The following HOTAIR variants were observed in gnomAD, a reference collection of about 807,000 sequenced individuals.
HOTAIR encodes the protein HOX transcript antisense RNA, also known as HOX transcript antisense RNA (non-protein coding).
In HOTAIR at chr12:53,973,758, G is replaced by T. The variant is rs747007822; in HGVS notation, n.59+1140C>A. 1.2e-6 allele frequency: 2 copies of T among 1,612,332 alleles called. No individual in the cohort carries two copies. Among genetic ancestry groups the T allele is most frequent in the South Asian group, 2.2e-5 (2 of 91,014 alleles). On this transcript the variant is annotated intron_variant and non_coding_transcript_variant, in intron 1 of 6. Coordinates refer to ENST00000424518, the Ensembl canonical transcript of HOTAIR. This position sits in a 1 kb window ranked among gnomAD's most constrained non-coding sequence, Gnocchi z 4.3. The stretch of plus-strand genomic sequence containing the variant: ...CCCGCCCGCCGAGCCCCCCTGCTCC[G>T]GCAAGGGCGAGGCCAAGGGGGAGCC...
intron 5 of HOTAIR, among the ~76,000 whole-genome samples, chr12:53,965,085 G>A (rs947380195): frequency 3.3e-5 from 5 of 152,200 alleles, no homozygotes; most frequent in African/African-American, 7.2e-5. Flanking sequence ...AGGTGGAGAG[G>A]CCCTTATAGT....
chr12:53,973,847 G>A lies in HOTAIR; in HGVS notation n.59+1051C>T, dbSNP rs1939197465. 4 of 1,490,616 alleles carry A rather than the reference G, an allele frequency of 2.7e-6. No individual in the cohort carries two copies. Among genetic ancestry groups the A allele is most frequent in the Non-Finnish European group, 3.6e-6 (4 of 1,125,118 alleles). The allele number at this position is 1,490,616 out of a possible 1,614,324, so 92.3% of individuals were successfully genotyped here. ...AGGCGGGTGCCGAGGCGGAGGCTGA[G>A]GAGGAGAACACAAATCCCAGCTCGT... On this transcript the variant is annotated intron_variant and non_coding_transcript_variant, in intron 1 of 6. Transcript: ENST00000424518. The surrounding 1 kb of genome is among the most constrained non-coding windows in gnomAD (Gnocchi z 4.3).
chr12:53,964,813 A>G (rs2136370424), intron 5 of HOTAIR, among the ~76,000 whole-genome samples: 1 of 152,298 alleles, frequency 6.6e-6, no homozygotes, highest in South Asian at 2.1e-4. Context: ...GGCCCTAGGC[A>G]GGAGCTTATA....
At chr12:53,968,396 G>A (rs1939091789) in intron 2 of HOTAIR, 1 of 152,200 alleles carries the variant, frequency 6.6e-6, no homozygotes, top group Non-Finnish European at 1.5e-5. Context: ...GGAGATAAAA[G>A]TCTAGACAAT....
exon 7 of HOTAIR, chr12:53,962,693 C>T (rs1938973659): frequency 8.8e-6 from 1 of 113,054 alleles, no homozygotes; most frequent in South Asian, 3.0e-4. Flanking sequence ...ATGGTAATCT[C>T]CATCTGCTGA....
intron 2 of HOTAIR, among the ~76,000 whole-genome samples, chr12:53,967,684 C>T (rs938082987): frequency 2.0e-5 from 3 of 152,158 alleles, no homozygotes; most frequent in Admixed American, 2.0e-4. Context: ...GAGGCCCTTT[C>T]TTATGTCCCC....
At chr12:53,969,681 T>A (rs1024401703) in intron 1 of HOTAIR, among the ~76,000 whole-genome samples, 3 of 152,156 alleles carry the variant, frequency 2.0e-5, no homozygotes, top group Non-Finnish European at 4.4e-5. Flanking sequence ...TCTAATGAAG[T>A]CTCCTTGCTG....
intron 1 of HOTAIR, among the ~76,000 whole-genome samples, chr12:53,971,816 G>A (rs1489464732): frequency 6.6e-6 from 1 of 152,262 alleles, no homozygotes; most frequent in African/African-American, 2.4e-5. Flanking sequence ...GGTGCTCAGA[G>A]GGATGGAAGG....
intron 5 of HOTAIR, chr12:53,965,942 G>C (rs568287064): frequency 6.6e-6 from 1 of 152,342 alleles, no homozygotes; most frequent in African/African-American, 2.4e-5. Context: ...ATGACAAAGT[G>C]AAGGTCAAGT....
At position 53,971,691 on chromosome 12, in the gene HOTAIR, C is replaced by T. The variant is rs146335826; in HGVS notation, n.60-2935G>A. On this transcript the variant is annotated intron_variant and non_coding_transcript_variant, in intron 1 of 6. Coordinates refer to ENST00000424518, the Ensembl canonical transcript of HOTAIR. The stretch of plus-strand genomic sequence containing the variant: ...CCTTCCCAAACAAATTGTGCCCTGG[C>T]AGCTCCTCTTTGGATCCAAGGTTGC... 3.3e-3 allele frequency among the ~76,000 whole-genome samples: 505 copies of T among 152,376 alleles called. 3 individuals are homozygous for T. The highest frequency in any genetic ancestry group is 0.011 in the African/African-American group (477 of 41,590).
chr12:53,967,823 T>G (rs938834566), intron 2 of HOTAIR, among the ~76,000 whole-genome samples: 4 of 152,118 alleles, frequency 2.6e-5, no homozygotes, highest in Admixed American at 6.5e-5. Flanking sequence ...TGACATAAAA[T>G]TGGCAGGCAC....
chr12:53,972,496 C>A (rs928032563), intron 1 of HOTAIR, among the ~76,000 whole-genome samples: 11 of 152,218 alleles, frequency 7.2e-5, no homozygotes, highest in African/African-American at 2.7e-4. Context: ...GCAAGCCAGA[C>A]AAAGTTGGGA....
At chr12:53,967,091 C>A (rs534219884) in intron 3 of HOTAIR, among the ~76,000 whole-genome samples, 28 of 152,246 alleles carry the variant, frequency 1.8e-4, no homozygotes, top group African/African-American at 6.3e-4. Flanking sequence ...CATTTTAAGG[C>A]CTAATCATTG....
At chr12:53,966,446 ACG>A (rs1939056645) in intron 3 of HOTAIR, 1 of 152,488 alleles carries the variant, frequency 6.6e-6, no homozygotes, top group Admixed American at 6.5e-5. Flanking sequence ...TCTGAATGTT[ACG>A]GTTTCCTTCA....
At chr12:53,970,392 G>T (rs982915809) in intron 1 of HOTAIR, among the ~76,000 whole-genome samples, 4 of 152,192 alleles carry the variant, frequency 2.6e-5, no homozygotes, top group African/African-American at 9.6e-5. Context: ...CGTCCAGGTA[G>T]CCTGGACCCA....
chr12:53,963,674 C>T (rs1315411296), exon 7 of HOTAIR: 1 of 152,230 alleles, frequency 6.6e-6, no homozygotes, highest in Non-Finnish European at 1.5e-5. Context: ...TAACAAGCCT[C>T]ATCATAAAGA....
Position 53,973,407 on chromosome 12 carries a change from T to A in HOTAIR, n.59+1491A>T. The A allele has an allele frequency of 6.2e-7, 1 of 1,613,982 alleles. No homozygotes were observed. On this transcript the variant is annotated intron_variant and non_coding_transcript_variant, in intron 1 of 6. Transcript: ENST00000424518. The surrounding 1 kb of genome is among the most constrained non-coding windows in gnomAD (Gnocchi z 4.3). ...CTCCTCCTTCCTGCCCCAGGCCCCC[T>A]CTCGTCAGATCTCCTATCCCTACTC... is the stretch of plus-strand genomic sequence containing the variant.
At position 53,973,429 on chromosome 12, in the gene HOTAIR, A is replaced by T. The variant is rs1427829556; in HGVS notation, n.59+1469T>A. Reference sequence around the variant, plus strand: ...CCCTCTCGTCAGATCTCCTATCCCTACTCGGCCCAAGTGCCCCCGGTCCGG... The same window carrying T: ...CCCTCTCGTCAGATCTCCTATCCCTTCTCGGCCCAAGTGCCCCCGGTCCGG... On this transcript the variant is annotated intron_variant and non_coding_transcript_variant, in intron 1 of 6. Coordinates refer to ENST00000424518, the Ensembl canonical transcript of HOTAIR. The surrounding 1 kb of genome is among the most constrained non-coding windows in gnomAD (Gnocchi z 4.3). The T allele has an allele frequency of 1.2e-6, 2 of 1,613,054 alleles. No individual in the cohort carries two copies. Among genetic ancestry groups the T allele is most frequent in the African/African-American group, 1.3e-5 (1 of 74,640 alleles).
chr12:53,973,800 T>G lies in HOTAIR; in HGVS notation n.59+1098A>C. On this transcript the variant is annotated intron_variant and non_coding_transcript_variant, in intron 1 of 6. Coordinates refer to ENST00000424518, the Ensembl canonical transcript of HOTAIR. This position sits in a 1 kb window ranked among gnomAD's most constrained non-coding sequence, Gnocchi z 4.3. Reference sequence around the variant, plus strand: ...GGGGGAGCCCGAGGCACCCCCGGCCTCGGGACTGGCGTCCCGGGCTGAGGC... The same window carrying G: ...GGGGGAGCCCGAGGCACCCCCGGCCGCGGGACTGGCGTCCCGGGCTGAGGC... 1 of 1,586,394 alleles carries G rather than the reference T, an allele frequency of 6.3e-7. No homozygotes were observed. The highest frequency in any genetic ancestry group is 2.3e-5 in the East Asian group (1 of 44,194).
Sources: allele counts gnomAD v4.1 joint callset (sites outside exome capture counted in the v4.1 genomes callset), GRCh38; gene constraint gnomAD v4.1.1; non-coding constraint Gnocchi (gnomAD v3.1); transcripts MANE v1.5; gene names NCBI Gene and HGNC (gene_info 2026-07-23, HGNC 2026-07-21).